Variants in ANKS1B observed in about 807,000 individuals in gnomAD.
ANKS1B encodes the protein ankyrin repeat and sterile alpha motif domain containing 1B, also known as ankyrin repeat and sterile alpha motif domain-containing protein 1B.
A neutral mutation model predicts 148.3 loss-of-function variants in ANKS1B; 36 were observed. That is an observed-to-expected ratio of 0.24 (90% CI 0.19 to 0.32). ANKS1B has a LOEUF of 0.32. Among genes scored for constraint, ANKS1B ranks in the 10% least tolerant of loss-of-function variants. ANKS1B has a pLI of 1.00. For missense variants in ANKS1B, 1,157 were observed against 1,542.6 expected (o/e 0.75, Z 4.19); for synonymous variants, 542 against 560.8 (o/e 0.97, Z 0.47).
At chr12:98,753,995 T>C (rs536183069) in intron 25 of ANKS1B, among the ~76,000 whole-genome samples, 1 of 152,338 alleles carries the variant, frequency 6.6e-6, no homozygotes, top group East Asian at 1.9e-4. Context: ...CCAAGGGTTC[T>C]AGACCAACCA....
At chr12:99,728,487 G>A (rs1260187841) in intron 8 of ANKS1B, among the ~76,000 whole-genome samples, 7 of 152,192 alleles carry the variant, frequency 4.6e-5, no homozygotes, top group Non-Finnish European at 1.0e-4. Flanking sequence ...AGATGCTTGG[G>A]AGGCTGTGGA....
chr12:99,575,961 T>C (rs896017611), intron 9 of ANKS1B, among the ~76,000 whole-genome samples: 4 of 152,170 alleles, frequency 2.6e-5, no homozygotes, highest in Non-Finnish European at 5.9e-5. Flanking sequence ...CAGTGACAAG[T>C]TGGGTAAATA....
chr12:99,573,864 G>A (rs2097488252), intron 9 of ANKS1B, among the ~76,000 whole-genome samples: 1 of 151,782 alleles, frequency 6.6e-6, no homozygotes, highest in South Asian at 2.1e-4. Context: ...TATTCACTGG[G>A]TCTAAACTTT....
chr12:99,351,324 A>G (rs1300356150), intron 12 of ANKS1B, among the ~76,000 whole-genome samples: 2 of 152,114 alleles, frequency 1.3e-5, no homozygotes, highest in Admixed American at 1.3e-4. Flanking sequence ...GCCATTGTAA[A>G]GGAATATTTT....
At chr12:99,234,356 G>A (rs1251235231) in intron 14 of ANKS1B, among the ~76,000 whole-genome samples, 1 of 152,100 alleles carries the variant, frequency 6.6e-6, no homozygotes, top group Non-Finnish European at 1.5e-5. Flanking sequence ...GGAATTTTAT[G>A]CTCTCTTTTA....
intron 22 of ANKS1B, among the ~76,000 whole-genome samples, chr12:98,788,376 T>C (rs1194675222): frequency 6.6e-6 from 1 of 152,182 alleles, no homozygotes; most frequent in East Asian, 1.9e-4. Flanking sequence ...AAAAGCCTTC[T>C]TGACAGGGTA....
At chr12:99,181,666 G>A (rs2079125273) in intron 14 of ANKS1B, among the ~76,000 whole-genome samples, 1 of 151,336 alleles carries the variant, frequency 6.6e-6, no homozygotes, top group African/African-American at 2.4e-5. Context: ...TTATTTTTTT[G>A]TGGGTACATA....
chr12:99,222,274 G>T (rs1393847441), intron 14 of ANKS1B, among the ~76,000 whole-genome samples: 1 of 152,144 alleles, frequency 6.6e-6, no homozygotes, highest in African/African-American at 2.4e-5. Context: ...ATTATAGGGA[G>T]ATTTGCTTCA....
chr12:98,925,297 T>C (rs1220043335), intron 17 of ANKS1B, among the ~76,000 whole-genome samples: 1 of 152,190 alleles, frequency 6.6e-6, no homozygotes, highest in Non-Finnish European at 1.5e-5. Flanking sequence ...GACTGGGGTA[T>C]ATGAAGGAAG....
At chr12:99,116,360 C>G (rs2061423134) in intron 15 of ANKS1B, among the ~76,000 whole-genome samples, 1 of 152,158 alleles carries the variant, frequency 6.6e-6, no homozygotes, top group African/African-American at 2.4e-5. Flanking sequence ...TGGGAGCAGT[C>G]ACTGAGTTTC....
chr12:99,931,255 T>C (rs2094606825), intron 1 of ANKS1B, among the ~76,000 whole-genome samples: 1 of 152,104 alleles, frequency 6.6e-6, no homozygotes, highest in African/African-American at 2.4e-5. Flanking sequence ...GATGAGTTAA[T>C]GGTTGCAGCA....
In ANKS1B at chr12:98,801,060, C is replaced by T. The variant is rs761735404; in HGVS notation, c.3207G>A (p.Pro1069=). Residue 1069 remains proline, a synonymous_variant, in exon 21 of 27, where the codon CCG becomes CCA. Coordinates refer to ENST00000683438, the MANE Select transcript of ANKS1B (RefSeq NM_001352186.2). This position sits in a 1 kb window ranked among gnomAD's most constrained non-coding sequence, Gnocchi z 5.2. ...RPPNEATAST[P]VQYWQHHPEK... Reference sequence around the variant, plus strand: ...CTGGGTGATGCTGCCAGTACTGTACCGGGGTAGAGGCTGTGGCTTCATTCG... The same window carrying T: ...CTGGGTGATGCTGCCAGTACTGTACTGGGGTAGAGGCTGTGGCTTCATTCG... 33 of 1,612,632 alleles carry T rather than the reference C, an allele frequency of 2.0e-5. No individual in the cohort carries two copies. Among genetic ancestry groups the T allele is most frequent in the Middle Eastern group, 1.7e-4 (1 of 6,056 alleles).
At chr12:99,192,310 TC>T (rs2080843246) in intron 14 of ANKS1B, among the ~76,000 whole-genome samples, 1 of 152,124 alleles carries the variant, frequency 6.6e-6, no homozygotes, top group Non-Finnish European at 1.5e-5. Flanking sequence ...TGAAGTATTT[TC>T]AGTTCAATAC....
intron 8 of ANKS1B, among the ~76,000 whole-genome samples, chr12:99,732,397 A>G (rs1369039128): frequency 6.6e-6 from 1 of 152,234 alleles, no homozygotes; most frequent in Non-Finnish European, 1.5e-5. Context: ...CCAAAAGTCT[A>G]TCAACAGGCA....
intron 1 of ANKS1B, among the ~76,000 whole-genome samples, chr12:99,843,647 T>C (rs374169832): frequency 6.6e-6 from 1 of 152,076 alleles, no homozygotes; most frequent in Non-Finnish European, 1.5e-5. Context: ...TTTCTTTATC[T>C]AGTCTATCAT....
chr12:98,745,932 G>T (rs2097875205), intron 26 of ANKS1B, 83 bp from the exon 27 acceptor site: 4 of 1,456,840 alleles, frequency 2.7e-6, no homozygotes, highest in Middle Eastern at 2.0e-4. Context: ...GCGAACCCAC[G>T]CGAGGCCCCT....
At chr12:99,237,657 G>A (rs2088269054) in intron 14 of ANKS1B, among the ~76,000 whole-genome samples, 1 of 152,120 alleles carries the variant, frequency 6.6e-6, no homozygotes. Flanking sequence ...TAATCACTTT[G>A]GTCAGGTGAA....
At chr12:98,845,973 T>C (rs545923722) in intron 17 of ANKS1B, among the ~76,000 whole-genome samples, 13,279 of 69,508 alleles carry the variant, frequency 0.19, 1,883 homozygotes, top group African/African-American at 0.36. Context: ...TTCATATATA[T>C]ATATATACAC....
intron 8 of ANKS1B, among the ~76,000 whole-genome samples, chr12:99,661,346 C>T (rs1400200709): frequency 6.6e-6 from 1 of 152,150 alleles, no homozygotes; most frequent in Non-Finnish European, 1.5e-5. Context: ...TGCACACTTA[C>T]ATGTAGACAT....
Sources: allele counts gnomAD v4.1 joint callset (sites outside exome capture counted in the v4.1 genomes callset), GRCh38; gene constraint gnomAD v4.1.1; non-coding constraint Gnocchi (gnomAD v3.1); transcripts MANE v1.5; gene names NCBI Gene and HGNC (gene_info 2026-07-23, HGNC 2026-07-21).